The following KCNAB1 variants were observed in gnomAD, a reference collection of about 807,000 sequenced individuals.
KCNAB1 encodes the protein voltage-gated potassium channel subunit beta-1.
Under a neutral mutation model 64.6 loss-of-function variants are expected in KCNAB1, and 35 were observed. That is an observed-to-expected ratio of 0.54 (90% CI 0.41 to 0.72). The LOEUF (loss-of-function observed/expected upper bound fraction) is 0.72, where lower values mean the gene tolerates loss of function less well. Ranked by LOEUF, KCNAB1 falls within the 30% of genes least tolerant of loss-of-function variation. The probability of loss-of-function intolerance (pLI) is 0.00; values close to 1 mark genes in which losing one functional copy is unlikely to be tolerated. For synonymous variants in KCNAB1, 177 were observed against 183.8 expected (o/e 0.96, Z 0.30); for missense variants, 401 against 512.9 (o/e 0.78, Z 2.11).
chr3:156,311,877 C>T (rs1386388963), intron 1 of KCNAB1, among the ~76,000 whole-genome samples: 3 of 152,168 alleles, frequency 2.0e-5, no homozygotes, highest in East Asian at 1.9e-4. Context: ...TAAGGCCCTT[C>T]GTTTTAAGTA....
At chr3:156,531,033 T>C (rs1458683991) in intron 12 of KCNAB1, among the ~76,000 whole-genome samples, 2 of 152,146 alleles carry the variant, frequency 1.3e-5, no homozygotes, top group Non-Finnish European at 2.9e-5. Flanking sequence ...CCCAAATGCA[T>C]TGAGTGTTAA....
intron 1 of KCNAB1, among the ~76,000 whole-genome samples, chr3:156,296,629 A>G (rs1720804573): frequency 6.6e-6 from 1 of 151,898 alleles, no homozygotes; most frequent in Admixed American, 6.6e-5. Context: ...GCCCACCACC[A>G]TGCCTGGCTA....
intron 1 of KCNAB1, among the ~76,000 whole-genome samples, chr3:156,261,671 C>G (rs903801209): frequency 1.3e-5 from 2 of 151,972 alleles, no homozygotes; most frequent in African/African-American, 4.8e-5. Flanking sequence ...AAAATTAGAT[C>G]ATGTAAGTTC....
chr3:156,243,002 T>C (rs868284768), intron 1 of KCNAB1, among the ~76,000 whole-genome samples: 2 of 152,180 alleles, frequency 1.3e-5, no homozygotes, highest in African/African-American at 4.8e-5. Context: ...CTCTGCCTCC[T>C]GGGTTCAAGT....
intron 1 of KCNAB1, among the ~76,000 whole-genome samples, chr3:156,315,022 A>T (rs983529452): frequency 6.6e-6 from 1 of 152,180 alleles, no homozygotes; most frequent in Non-Finnish European, 1.5e-5. Flanking sequence ...TAAAAAAAAA[A>T]TTATATTGCA....
chr3:156,476,578 C>T (rs28486089), intron 8 of KCNAB1, among the ~76,000 whole-genome samples: 2 of 120,908 alleles, frequency 1.7e-5, no homozygotes, highest in South Asian at 5.6e-4. Flanking sequence ...CACACACACA[C>T]ATATATACAC....
chr3:156,172,472 G>A (rs769340306), intron 1 of KCNAB1, among the ~76,000 whole-genome samples: 6 of 152,054 alleles, frequency 3.9e-5, no homozygotes, highest in Admixed American at 1.3e-4. Context: ...TGGAGACAGG[G>A]TTTCGCCATG....
At chr3:156,446,631 G>T (rs1711578727) in intron 2 of KCNAB1, among the ~76,000 whole-genome samples, 1 of 152,008 alleles carries the variant, frequency 6.6e-6, no homozygotes, top group Admixed American at 6.5e-5. Context: ...TCTGACCTTG[G>T]TGTTCTCCTA....
intron 1 of KCNAB1, among the ~76,000 whole-genome samples, chr3:156,132,331 G>C (rs776359059): frequency 1.3e-5 from 2 of 152,216 alleles, no homozygotes; most frequent in Non-Finnish European, 2.9e-5. Flanking sequence ...GAGACCTGTA[G>C]ATGGTCATCT....
At chr3:156,521,089 T>TA (rs1275575633) in intron 11 of KCNAB1, among the ~76,000 whole-genome samples, 5 of 152,130 alleles carry the variant, frequency 3.3e-5, no homozygotes, top group Admixed American at 3.3e-4. Flanking sequence ...GTAACATACA[T>TA]AAAACTAATA....
intron 1 of KCNAB1, among the ~76,000 whole-genome samples, chr3:156,131,129 C>A (rs570296249): frequency 6.6e-6 from 1 of 152,312 alleles, no homozygotes; most frequent in South Asian, 2.1e-4. Flanking sequence ...CTGTGGTTGT[C>A]ACTGAATGGC....
At chr3:156,321,397 T>A (rs931683790) in intron 1 of KCNAB1, among the ~76,000 whole-genome samples, 2 of 152,110 alleles carry the variant, frequency 1.3e-5, no homozygotes, top group Non-Finnish European at 2.9e-5. Context: ...CTCAAGCACA[T>A]CTCTGAGGCA....
intron 1 of KCNAB1, among the ~76,000 whole-genome samples, chr3:156,319,374 A>G (rs1295978099): frequency 6.6e-6 from 1 of 152,224 alleles, no homozygotes; most frequent in Non-Finnish European, 1.5e-5. Flanking sequence ...CTGGGACCCA[A>G]GGTGGCATTG....
At chr3:156,418,489 T>C (rs955355347) in intron 1 of KCNAB1, among the ~76,000 whole-genome samples, 1 of 152,200 alleles carries the variant, frequency 6.6e-6, no homozygotes, top group Non-Finnish European at 1.5e-5. Flanking sequence ...TGGCTTAGAG[T>C]AACTGGACAA....
At chr3:156,164,398 C>A (rs939512391) in intron 1 of KCNAB1, among the ~76,000 whole-genome samples, 9 of 152,194 alleles carry the variant, frequency 5.9e-5, no homozygotes, top group African/African-American at 2.2e-4. Flanking sequence ...CCATCAGTGT[C>A]CCATTGGCTT....
intron 1 of KCNAB1, among the ~76,000 whole-genome samples, chr3:156,350,475 G>T (rs1724783039): frequency 6.7e-6 from 1 of 149,350 alleles, no homozygotes; most frequent in South Asian, 2.1e-4. Flanking sequence ...CCACTGCACT[G>T]TAGCCCCAGC....
intron 1 of KCNAB1, among the ~76,000 whole-genome samples, chr3:156,233,352 G>A (rs1005073234): frequency 6.6e-5 from 10 of 152,170 alleles, no homozygotes; most frequent in Admixed American, 6.5e-4. Context: ...CTGAGAAGAT[G>A]CTGTCTAAAT....
chr3:156,348,562 T>G (rs1330185382), intron 1 of KCNAB1, among the ~76,000 whole-genome samples: 1 of 152,246 alleles, frequency 6.6e-6, no homozygotes, highest in East Asian at 1.9e-4. Flanking sequence ...AGGAAAAAAC[T>G]TGTGTTCCAT....
chr3:156,455,103 G>C (rs1196504598), intron 3 of KCNAB1, among the ~76,000 whole-genome samples: 2 of 152,202 alleles, frequency 1.3e-5, no homozygotes, highest in African/African-American at 4.8e-5. Flanking sequence ...GAAGAAGGGA[G>C]ACACAGCCAG....
Sources: allele counts gnomAD v4.1 joint callset (sites outside exome capture counted in the v4.1 genomes callset), GRCh38; gene constraint gnomAD v4.1.1; transcripts MANE v1.5; gene names NCBI Gene and HGNC (gene_info 2026-07-23, HGNC 2026-07-21).